The following CACNA1C variants were observed in gnomAD, a reference collection of about 807,000 sequenced individuals.
CACNA1C encodes the protein voltage-dependent L-type calcium channel subunit alpha-1C.
Under a neutral mutation model 229.0 loss-of-function variants are expected in CACNA1C, and 30 were observed. The ratio of observed to expected loss-of-function variants is 0.13; its 90% CI spans 0.10 to 0.18. The LOEUF is 0.18. Among genes scored for constraint, CACNA1C ranks in the 10% least tolerant of loss-of-function variants. CACNA1C has a pLI of 1.00. For synonymous variants in CACNA1C, 1,114 were observed against 1,132.5 expected, an observed-to-expected ratio of 0.98 and a Z score of 0.33; for missense variants, 1,658 against 2,845.0, an observed-to-expected ratio of 0.58 and a Z score of 9.49.
chr12:2,546,580 C>T (rs1007907439), intron 9 of CACNA1C, among the ~76,000 whole-genome samples: 28 of 152,360 alleles, frequency 1.8e-4, no homozygotes, highest in Middle Eastern at 3.4e-3. Context: ...CAGGTGTCTT[C>T]GTGCTCTCCC....
chr12:2,266,671 A>G (rs1372137709), intron 3 of CACNA1C, among the ~76,000 whole-genome samples: 1 of 152,242 alleles, frequency 6.6e-6, no homozygotes. Flanking sequence ...CAGAAATAGG[A>G]TAACAGTAAG....
chr12:2,435,407 G>A (rs555609647), intron 3 of CACNA1C, among the ~76,000 whole-genome samples: 1 of 152,350 alleles, frequency 6.6e-6, no homozygotes, highest in African/African-American at 2.4e-5. Context: ...GGCAGGGGAA[G>A]CATCTCCTGC....
intron 3 of CACNA1C, among the ~76,000 whole-genome samples, chr12:2,296,733 A>G (rs550547249): frequency 2.6e-5 from 4 of 152,322 alleles, no homozygotes; most frequent in Non-Finnish European, 5.9e-5. Context: ...AGTAGTACCA[A>G]ATTCCCCCGT....
chr12:2,078,633 T>C (rs2064161021), intron 1 of CACNA1C, among the ~76,000 whole-genome samples: 1 of 152,130 alleles, frequency 6.6e-6, no homozygotes, highest in South Asian at 2.1e-4. Context: ...GATGAAAAAG[T>C]TCTAGAGATC....
In CACNA1C at chr12:2,504,572, C is replaced by A; in HGVS notation, c.1114-270C>A. 1 of 1,291,586 alleles carries A rather than the reference C, an allele frequency of 7.7e-7. No individual in the cohort carries two copies. Among genetic ancestry groups the A allele is most frequent in the Non-Finnish European group, 1.1e-6 (1 of 886,600 alleles). 80.0% of individuals were successfully genotyped at this position (1,291,586 alleles called of 1,614,324 possible). ...GACCGTTTCTATGTCCTCTCCACAA[C>A]GCAGCCGAGCAAGGTCTCAGGTTCC... On this transcript the variant is annotated intron_variant, in intron 7 of 46. Coordinates refer to ENST00000399655, the MANE Select transcript of CACNA1C (RefSeq NM_000719.7). This position sits in a 1 kb window ranked among gnomAD's most constrained non-coding sequence, Gnocchi z 6.8.
rs1187334206 is a variant in CACNA1C at position 2,075,711 on chromosome 12, C to CCT, written c.49+22100_49+22101insCT. On this transcript the variant is annotated intron_variant, in intron 1 of 46. Coordinates refer to ENST00000399655, the MANE Select transcript of CACNA1C (RefSeq NM_000719.7). ...GTAGGAATGTTCACAGAAGTGGCGT[C>CCT]AGTACCATGGACTTGTCCTTGTCCC... Among the ~76,000 whole-genome samples, 79 of 152,332 alleles carry CCT rather than the reference C, an allele frequency of 5.2e-4. 1 individual carries two copies. Among genetic ancestry groups the CCT allele is most frequent in the African/African-American group, 1.9e-3 (77 of 41,570 alleles).
chr12:2,564,840 C>T (rs2049455244), intron 11 of CACNA1C, among the ~76,000 whole-genome samples: 1 of 152,156 alleles, frequency 6.6e-6, no homozygotes, highest in South Asian at 2.1e-4. Context: ...TCCTCATACT[C>T]TCCCTGGTCT....
At chr12:2,583,350 G>A (rs1349947579) in intron 15 of CACNA1C, among the ~76,000 whole-genome samples, 1 of 152,248 alleles carries the variant, frequency 6.6e-6, no homozygotes, top group Non-Finnish European at 1.5e-5. Flanking sequence ...GTGACCTTCA[G>A]CTCTCCTCCT....
intron 1 of CACNA1C, among the ~76,000 whole-genome samples, chr12:1,973,415 A>AC (rs1490313916): frequency 2.0e-5 from 3 of 151,984 alleles, no homozygotes; most frequent in Admixed American, 6.6e-5. Flanking sequence ...AACAAACAAA[A>AC]CTCTCTGAAT....
At chr12:2,487,404 G>T (rs370646280) in intron 6 of CACNA1C, among the ~76,000 whole-genome samples, 2 of 148,736 alleles carry the variant, frequency 1.3e-5, no homozygotes, top group African/African-American at 5.0e-5. Context: ...AGTGAAATTC[G>T]TAGCAGAAAC....
In CACNA1C at chr12:2,479,650, C is replaced by G. The variant is rs757867188; in HGVS notation, c.758-6454C>G. On this transcript the variant is annotated intron_variant, in intron 5 of 46. Coordinates refer to ENST00000399655, the MANE Select transcript of CACNA1C (RefSeq NM_000719.7). The surrounding 1 kb of genome is among the most constrained non-coding windows in gnomAD (Gnocchi z 4.3). ...AGGACAGCCAGTTCAAGTTAAGGAG[C>G]AGCTTTCTAAAACTCCATGTCCTGA... Among the ~76,000 whole-genome samples, 15 of 152,188 alleles carry G rather than the reference C, an allele frequency of 9.9e-5. No individual in the cohort carries two copies. The highest frequency in any genetic ancestry group is 1.4e-4 in the African/African-American group (6 of 41,456).
intron 15 of CACNA1C, among the ~76,000 whole-genome samples, chr12:2,583,198 G>T (rs1187253930): frequency 6.6e-6 from 1 of 152,234 alleles, no homozygotes. Flanking sequence ...TGGGTGAGCG[G>T]CGCCCCCTGG....
At chr12:1,984,778 T>TTAAAAA (rs1230989393) in intron 1 of CACNA1C, among the ~76,000 whole-genome samples, 38 of 81,332 alleles carry the variant, frequency 4.7e-4, no homozygotes, top group South Asian at 1.0e-3. Context: ...GGTCTTCTGG[T>TTAAAAA]AAAAAAAAAA....
rs143701380 is a variant in CACNA1C, at chr12:2,539,145, G to A, written c.1391-10798G>A. Among the ~76,000 whole-genome samples the A allele has an allele frequency of 3.6e-3, 550 of 152,016 alleles. 7 individuals are homozygous for A. The highest frequency in any genetic ancestry group is 0.012 in the African/African-American group (481 of 41,280). The stretch of plus-strand genomic sequence containing the variant: ...TAATAATATCTACCTTGCCTGTGCC[G>A]TAGGGGTATGTCGGTCAGTGTCCCC... On this transcript the variant is annotated intron_variant, in intron 9 of 46. Transcript: ENST00000399655.
chr12:2,642,620 G>C (rs1480385907), intron 30 of CACNA1C, among the ~76,000 whole-genome samples: 1 of 152,180 alleles, frequency 6.6e-6, no homozygotes, highest in Non-Finnish European at 1.5e-5. Flanking sequence ...TCATCTGTTT[G>C]TTTCCTTTTT....
At chr12:2,139,669 G>A (rs2093942569) in intron 3 of CACNA1C, among the ~76,000 whole-genome samples, 1 of 151,274 alleles carries the variant, frequency 6.6e-6, no homozygotes, top group African/African-American at 2.4e-5. Flanking sequence ...AGGGACCGTG[G>A]CATGTGTGGC....
chr12:2,117,667 C>T (rs1250701882), intron 2 of CACNA1C, among the ~76,000 whole-genome samples: 2 of 152,248 alleles, frequency 1.3e-5, no homozygotes, highest in Non-Finnish European at 2.9e-5. Flanking sequence ...TAGGCAGGTA[C>T]TAGTAGATAC....
At position 2,557,241 on chromosome 12, in the gene CACNA1C, T is replaced by A. The variant is rs4765959; in HGVS notation, c.1508+264T>A. Among the ~76,000 whole-genome samples, 25,544 of 152,214 alleles carry A rather than the reference T, an allele frequency of 0.17. 2,436 individuals carry two copies. Among genetic ancestry groups the A allele is most frequent in the Middle Eastern group, 0.22 (65 of 294 alleles). ...GTCCCTAGGAAGTTGTCAGACCAAATGTGTTTTCCTCCCTTCTAAGATGAA... is the reference window on the plus strand; with the variant it reads ...GTCCCTAGGAAGTTGTCAGACCAAAAGTGTTTTCCTCCCTTCTAAGATGAA... On this transcript the variant is annotated intron_variant, in intron 11 of 46. Coordinates refer to ENST00000399655, the MANE Select transcript of CACNA1C (RefSeq NM_000719.7).
intron 3 of CACNA1C, among the ~76,000 whole-genome samples, chr12:2,291,800 CCT>C (rs2154457428): frequency 6.6e-6 from 1 of 152,308 alleles, no homozygotes; most frequent in East Asian, 1.9e-4. Context: ...ATTAACGTCA[CCT>C]CTGTTTACTA....
Sources: allele counts gnomAD v4.1 joint callset (sites outside exome capture counted in the v4.1 genomes callset), GRCh38; gene constraint gnomAD v4.1.1; non-coding constraint Gnocchi (gnomAD v3.1); transcripts MANE v1.5; gene names NCBI Gene and HGNC (gene_info 2026-07-23, HGNC 2026-07-21).